The following OSBPL10 variants were observed in gnomAD, a reference collection of about 807,000 sequenced individuals.
The protein encoded by OSBPL10 is oxysterol binding protein like 10, also known as oxysterol-binding protein-related protein 10.
Under a neutral mutation model 81.7 loss-of-function variants are expected in OSBPL10, and 49 were observed. The observed-to-expected ratio is 0.60, with a 90% CI of 0.48 to 0.76. The LOEUF (loss-of-function observed/expected upper bound fraction) is 0.76, where lower values mean the gene tolerates loss of function less well. Among genes scored for constraint, OSBPL10 ranks in the 30% least tolerant of loss-of-function variants. The pLI is 0.00. For missense variants in OSBPL10, 923 were observed against 987.8 expected, an observed-to-expected ratio of 0.93 and a Z score of 0.88; for synonymous variants, 419 against 383.6, an observed-to-expected ratio of 1.09 and a Z score of -1.08.
chr3:31,879,569 T>TA (rs1171365700), intron 2 of OSBPL10, 86 bp downstream of exon 2: 90 of 1,422,238 alleles, frequency 6.3e-5, no homozygotes, highest in Non-Finnish European at 8.0e-5. Flanking sequence ...AAAGGCAATT[T>TA]AAAAAAACAA....
intron 4 of OSBPL10, among the ~76,000 whole-genome samples, chr3:31,752,459 T>A (rs865899800): frequency 4.6e-5 from 7 of 152,176 alleles, no homozygotes; most frequent in Admixed American, 6.5e-5. Context: ...GTAAAAGAGA[T>A]GAAACGTAGG....
At chr3:31,989,992 C>A in intron 2 of OSBPL10, 5 of 1,614,118 alleles carry the variant, frequency 3.1e-6, no homozygotes, top group Non-Finnish European at 4.2e-6. Flanking sequence ...TGCAAGTCAT[C>A]ATAGACTTCA....
chr3:31,956,484 C>A (rs770181385), intron 1 of OSBPL10, among the ~76,000 whole-genome samples: 4 of 152,102 alleles, frequency 2.6e-5, no homozygotes, highest in Non-Finnish European at 4.4e-5. Flanking sequence ...TTTGGGAGGC[C>A]GAGGCAGCTG....
At chr3:31,793,607 T>C (rs115566605) in intron 4 of OSBPL10, among the ~76,000 whole-genome samples, 2,892 of 152,316 alleles carry the variant, frequency 0.019, 79 homozygotes, top group African/African-American at 0.065. Flanking sequence ...CAAATGTGAC[T>C]GTTCTCTCTC....
At chr3:31,756,629 A>G (rs927978636) in intron 4 of OSBPL10, among the ~76,000 whole-genome samples, 7 of 152,228 alleles carry the variant, frequency 4.6e-5, no homozygotes, top group Admixed American at 1.3e-4. Flanking sequence ...TTTAGAATGT[A>G]TCATCTCTAA....
At chr3:31,725,435 G>T (rs989208995) in intron 6 of OSBPL10, among the ~76,000 whole-genome samples, 4 of 152,132 alleles carry the variant, frequency 2.6e-5, no homozygotes, top group African/African-American at 9.7e-5. Flanking sequence ...AAAAAACCCG[G>T]ATGATCAAAT....
At chr3:31,770,948 G>C (rs1009893685) in intron 4 of OSBPL10, among the ~76,000 whole-genome samples, 5 of 152,196 alleles carry the variant, frequency 3.3e-5, no homozygotes, top group African/African-American at 1.2e-4. Flanking sequence ...TTAGTGTCTA[G>C]GAGTGTAGGC....
At chr3:31,787,201 C>A (rs1404178969) in intron 4 of OSBPL10, among the ~76,000 whole-genome samples, 1 of 152,128 alleles carries the variant, frequency 6.6e-6, no homozygotes, top group Non-Finnish European at 1.5e-5. Flanking sequence ...TTCGGTTTGC[C>A]AATATTCATT....
At chr3:32,004,206 T>C (rs192682102) in intron 2 of OSBPL10, among the ~76,000 whole-genome samples, 5 of 152,276 alleles carry the variant, frequency 3.3e-5, no homozygotes, top group Admixed American at 3.3e-4. Context: ...GTTAGAGTGG[T>C]GACAGCCAAG....
chr3:31,776,092 A>T (rs1698541518), intron 4 of OSBPL10, among the ~76,000 whole-genome samples: 1 of 152,114 alleles, frequency 6.6e-6, no homozygotes, highest in Admixed American at 6.6e-5. Flanking sequence ...CTGATTAAAG[A>T]GCATAATGAG....
chr3:32,008,207 G>A (rs1331868042), intron 2 of OSBPL10, among the ~76,000 whole-genome samples: 10 of 145,832 alleles, frequency 6.9e-5, no homozygotes, highest in Admixed American at 4.1e-4. Context: ...AAGTCTCGCC[G>A]TGTTGCCCAG....
chr3:32,040,048 A>C (rs1699558343), intron 2 of OSBPL10, among the ~76,000 whole-genome samples: 1 of 152,224 alleles, frequency 6.6e-6, no homozygotes, highest in Non-Finnish European at 1.5e-5. Context: ...TTCGTCAATA[A>C]GTAAAACCAA....
At chr3:31,830,746 C>G (rs1700220577) in intron 3 of OSBPL10, among the ~76,000 whole-genome samples, 1 of 152,204 alleles carries the variant, frequency 6.6e-6, no homozygotes, top group South Asian at 2.1e-4. Flanking sequence ...TCATGCTCAT[C>G]TTTATATCCC....
chr3:31,748,400 A>C (rs1313047893), intron 4 of OSBPL10, among the ~76,000 whole-genome samples: 2 of 152,190 alleles, frequency 1.3e-5, no homozygotes, highest in Admixed American at 1.3e-4. Flanking sequence ...TCTGGAGGTA[A>C]GTCAATAATA....
In OSBPL10 at chr3:31,708,759, A is replaced by G. The variant is rs1018448323; in HGVS notation, c.1096-6251T>C. ...ACAGGTGAGATTTCTCCTCTGGAAGAGTCTTTTTGGTGGCTGTGTCTAATT... is the reference window on the plus strand; with the variant it reads ...ACAGGTGAGATTTCTCCTCTGGAAGGGTCTTTTTGGTGGCTGTGTCTAATT... On this transcript the variant is annotated intron_variant, in intron 6 of 11. Transcript: ENST00000396556. The G allele has an allele frequency of 1.0e-5, 10 of 985,292 alleles. No homozygotes were observed. In the African/African-American group the frequency reaches 1.6e-4, roughly 15 times the overall value. 61.0% of individuals were successfully genotyped at this position (985,292 alleles called of 1,614,324 possible).
chr3:32,076,210 A>T (rs1699874885), intron 1 of OSBPL10, among the ~76,000 whole-genome samples: 1 of 152,142 alleles, frequency 6.6e-6, no homozygotes, highest in Non-Finnish European at 1.5e-5. Context: ...TCTACTAAAA[A>T]TTCAAAAATT....
intron 9 of OSBPL10, among the ~76,000 whole-genome samples, chr3:31,670,479 G>C (rs1013076205): frequency 3.9e-5 from 6 of 152,170 alleles, no homozygotes; most frequent in African/African-American, 1.4e-4. Context: ...TGGGTTCATA[G>C]ATTCAATCAC....
chr3:31,746,410 T>C (rs948416305), intron 5 of OSBPL10, among the ~76,000 whole-genome samples: 2 of 152,012 alleles, frequency 1.3e-5, no homozygotes, highest in East Asian at 3.9e-4. Flanking sequence ...AAAAACAGAA[T>C]GCTGAGGCCT....
chr3:32,070,127 T>A (rs190837898), intron 1 of OSBPL10, among the ~76,000 whole-genome samples: 2 of 152,322 alleles, frequency 1.3e-5, no homozygotes, highest in Admixed American at 1.3e-4. Flanking sequence ...GACGCCGAGC[T>A]TTAGGTAACT....
Sources: allele counts gnomAD v4.1 joint callset (sites outside exome capture counted in the v4.1 genomes callset), GRCh38; gene constraint gnomAD v4.1.1; transcripts MANE v1.5; gene names NCBI Gene and HGNC (gene_info 2026-07-23, HGNC 2026-07-21).